Variants in TNRC6B observed in about 807,000 individuals in gnomAD.
TNRC6B encodes the protein trinucleotide repeat containing adaptor 6B, also known as trinucleotide repeat-containing gene 6B protein.
A neutral mutation model predicts 203.6 loss-of-function variants in TNRC6B; 52 were observed. That is an observed-to-expected ratio of 0.26 (90% CI 0.20 to 0.32). The LOEUF is 0.32. Ranked by LOEUF, TNRC6B falls within the 10% of genes least tolerant of loss-of-function variation. TNRC6B has a pLI of 1.00. For synonymous variants in TNRC6B, 838 were observed against 845.7 expected (o/e 0.99, Z 0.16); for missense variants, 1,923 against 2,286.2 (o/e 0.84, Z 3.24).
chr22:40,060,493 TCTA>T (rs1367219733), intron 1 of TNRC6B, among the ~76,000 whole-genome samples: 1 of 152,208 alleles, frequency 6.6e-6, no homozygotes. Flanking sequence ...CTTGGAAGTT[TCTA>T]CATATCTTTC....
chr22:40,198,130 A>T (rs1298310620), intron 1 of TNRC6B, among the ~76,000 whole-genome samples: 1 of 152,150 alleles, frequency 6.6e-6, no homozygotes, highest in Non-Finnish European at 1.5e-5. Flanking sequence ...TTGTAATTAG[A>T]CAATAATTAA....
intron 1 of TNRC6B, among the ~76,000 whole-genome samples, chr22:40,087,684 C>T (rs919206503): frequency 6.6e-6 from 1 of 152,102 alleles, no homozygotes; most frequent in African/African-American, 2.4e-5. Context: ...TCATTGGGTC[C>T]AGAGCCTTCA....
intron 7 of TNRC6B, among the ~76,000 whole-genome samples, chr22:40,274,102 T>G (rs547139227): frequency 1.5e-4 from 23 of 152,222 alleles, no homozygotes; most frequent in Admixed American, 4.6e-4. Context: ...ATAAAACTGT[T>G]GCTGTGGGTA....
rs559993581 is a variant in TNRC6B, at chr22:40,328,997, A to T, written c.*5756A>T. 1.3e-5 allele frequency: 2 copies of T among 151,968 alleles called. No individual in the cohort carries two copies. The highest frequency in any genetic ancestry group is 3.8e-4 in the East Asian group (2 of 5,198). The allele number at this position is 151,968 out of a possible 1,614,324, so 9.4% of individuals were successfully genotyped here. A position where few individuals can be genotyped will look rare whatever the true frequency, so the allele number is the denominator to read the frequency against. ...TGTCACACTTCATGTGTATGCATTA[A>T]CTATACTTCTTAGTGTTACTGCAAA... On this transcript the variant is annotated 3_prime_UTR_variant, in exon 23 of 23. Coordinates refer to ENST00000454349, the MANE Select transcript of TNRC6B (RefSeq NM_001162501.2).
At chr22:40,158,960 C>T (rs550344679) in intron 4 of TNRC6B, among the ~76,000 whole-genome samples, 1 of 152,108 alleles carries the variant, frequency 6.6e-6, no homozygotes, top group East Asian at 1.9e-4. Context: ...AATCTAGGAA[C>T]TGAGTAATTT....
intron 1 of TNRC6B, among the ~76,000 whole-genome samples, chr22:40,212,538 C>T (rs139328287): frequency 1.3e-5 from 2 of 152,314 alleles, no homozygotes; most frequent in East Asian, 3.9e-4. Flanking sequence ...AGGTTGTGAT[C>T]TCTTGTGTAC....
intron 3 of TNRC6B, among the ~76,000 whole-genome samples, chr22:40,141,801 G>A (rs185770692): frequency 5.6e-4 from 85 of 152,090 alleles, no homozygotes; most frequent in Non-Finnish European, 1.0e-3. Context: ...TTGAGTCAGT[G>A]TCTTGCTCTG....
At chr22:40,146,013 A>G (rs1490476805) in intron 3 of TNRC6B, among the ~76,000 whole-genome samples, 1 of 152,182 alleles carries the variant, frequency 6.6e-6, no homozygotes, top group Non-Finnish European at 1.5e-5. Flanking sequence ...AATAGTGGAA[A>G]CTGTGAGATT....
intron 1 of TNRC6B, among the ~76,000 whole-genome samples, chr22:40,236,768 A>G (rs5750910): frequency 0.32 from 48,789 of 152,042 alleles, 9,595 homozygotes; most frequent in East Asian, 0.57. Flanking sequence ...AATATGTTCA[A>G]GTGTGAAATT....
intron 5 of TNRC6B, among the ~76,000 whole-genome samples, chr22:40,268,626 C>T (rs1411799486): frequency 1.3e-5 from 2 of 151,984 alleles, no homozygotes; most frequent in African/African-American, 4.8e-5. Context: ...ATAAAATAAT[C>T]TTTGGCCAGG....
Position 40,312,542 on chromosome 22 carries a change from C to G in TNRC6B, c.4473C>G (p.Asn1491Lys). 1 of 1,613,822 alleles carries G rather than the reference C, an allele frequency of 6.2e-7. No homozygotes were observed. Among genetic ancestry groups the G allele is most frequent in the Non-Finnish European group, 8.5e-7 (1 of 1,179,936 alleles). Residue 1491 changes from asparagine (N) to lysine (K), a missense_variant, in exon 18 of 23, where the codon AAC becomes AAG. Physicochemically the swap from Asn to Lys is moderately conservative, Grantham distance 94. This residue lies in a region of TNRC6B where 242 missense variants were observed against 399.5 expected (regional missense o/e 0.61). Transcript: ENST00000454349. ...GAGTGCCATGGAAAGGTATCCAAAA[C>G]ATTGACCCTGAATCTGACCCCTATG... is the stretch of plus-strand genomic sequence containing the variant. Reference protein sequence around the residue: ...QPGVPWKGIQNIDPESDPYVT... With the variant: ...QPGVPWKGIQKIDPESDPYVT...
chr22:40,243,229 G>A (rs985359228), intron 1 of TNRC6B, among the ~76,000 whole-genome samples: 2 of 152,052 alleles, frequency 1.3e-5, no homozygotes, highest in Non-Finnish European at 2.9e-5. Flanking sequence ...GAACAGTACT[G>A]AATTAGAAAA....
At chr22:40,167,492 C>G (rs1481483870) in intron 4 of TNRC6B, among the ~76,000 whole-genome samples, 1 of 152,010 alleles carries the variant, frequency 6.6e-6, no homozygotes, top group Non-Finnish European at 1.5e-5. Context: ...TGAAAAAGTT[C>G]TGGAGATCTG....
intron 3 of TNRC6B, among the ~76,000 whole-genome samples, chr22:40,146,092 A>G (rs921302520): frequency 3.3e-5 from 5 of 152,212 alleles, no homozygotes; most frequent in Non-Finnish European, 5.9e-5. Context: ...ATAAATGCTT[A>G]GGGAGTAGTA....
rs971901041 is a variant in TNRC6B, at chr22:40,100,182, G to T, written c.-120-16873G>T. On this transcript the variant is annotated intron_variant, in intron 1 of 23. Transcript: ENST00000301923. ...GCTTACTGCAATCTCCACCTTCCAG[G>T]TTCAAATGATTCTTGTGCCTCAGGC... is the stretch of plus-strand genomic sequence containing the variant. 9.2e-5 allele frequency among the ~76,000 whole-genome samples: 14 copies of T among 151,910 alleles called. 1 individual carries two copies. Among genetic ancestry groups the T allele is most frequent in the Admixed American group, 7.2e-4 (11 of 15,234 alleles).
In TNRC6B at chr22:40,093,158, C is replaced by G. The variant is rs534573235; in HGVS notation, c.-120-23897C>G. On this transcript the variant is annotated intron_variant, in intron 1 of 23. Coordinates refer to the TNRC6B transcript ENST00000301923. Reference sequence around the variant, plus strand: ...AATGAAAAAATAACCATTTCAGAAGCAAACAACATCATTGAATTTGGCATT... The same window carrying G: ...AATGAAAAAATAACCATTTCAGAAGGAAACAACATCATTGAATTTGGCATT... Among the ~76,000 whole-genome samples, 14 of 152,248 alleles carry G rather than the reference C, an allele frequency of 9.2e-5. 1 individual carries two copies. Among genetic ancestry groups the G allele is most frequent in the African/African-American group, 3.4e-4 (14 of 41,550 alleles).
intron 7 of TNRC6B, among the ~76,000 whole-genome samples, chr22:40,275,492 G>A (rs1235251265): frequency 6.6e-6 from 1 of 151,986 alleles, no homozygotes; most frequent in Non-Finnish European, 1.5e-5. Flanking sequence ...ATTTACCATA[G>A]CGTACATTTT....
intron 12 of TNRC6B, among the ~76,000 whole-genome samples, chr22:40,296,473 A>G (rs1418097413): frequency 6.6e-6 from 1 of 151,596 alleles, no homozygotes; most frequent in Non-Finnish European, 1.5e-5. Flanking sequence ...CTGGGACTAC[A>G]GGCGCCCGCC....
chr22:40,075,777 T>C (rs1274040281), intron 1 of TNRC6B, among the ~76,000 whole-genome samples: 1 of 139,692 alleles, frequency 7.2e-6, no homozygotes, highest in Non-Finnish European at 1.5e-5. Context: ...TTGTTTTACT[T>C]TTATAACAGT....
Sources: gnomAD v4.1 joint callset for allele counts (sites outside exome capture counted in the v4.1 genomes callset) on GRCh38, gnomAD v4.1.1 for gene constraint, gnomAD v4.1.1 regional missense constraint, MANE v1.5 for transcripts, NCBI Gene and HGNC (gene_info 2026-07-23, HGNC 2026-07-21) for gene names.